LOC128462377: variants seen among roughly 807,000 people sequenced by gnomAD.
the LOC128462377 span, among the ~76,000 whole-genome samples, chr16:89,317,299 G>A: frequency 6.6e-6 from 1 of 152,366 alleles, no homozygotes; most frequent in Admixed American, 6.5e-5. Context: ...AAGGAGAACA[G>A]AGAAGGGTCA....
At chr16:89,408,261 C>T in the LOC128462377 span, among the ~76,000 whole-genome samples, 17 of 152,354 alleles carry the variant, frequency 1.1e-4, no homozygotes, top group Admixed American at 7.8e-4. Context: ...AGTTCTCCAC[C>T]CTAGAGAAGT....
At chr16:89,319,232 C>T in the LOC128462377 span, among the ~76,000 whole-genome samples, 2 of 152,206 alleles carry the variant, frequency 1.3e-5, no homozygotes, top group Non-Finnish European at 2.9e-5. Context: ...CCACGGCCTC[C>T]GGACGGTGTC....
the LOC128462377 span, among the ~76,000 whole-genome samples, chr16:89,390,251 C>T: frequency 7.8e-6 from 1 of 128,654 alleles, no homozygotes; most frequent in African/African-American, 3.0e-5. Context: ...ATCACTGGGG[C>T]GAACACCGAG....
the LOC128462377 span, among the ~76,000 whole-genome samples, chr16:89,383,583 C>T: frequency 6.6e-6 from 1 of 152,220 alleles, no homozygotes; most frequent in African/African-American, 2.4e-5. Flanking sequence ...CCAGGAATGG[C>T]CAAAGCCGAA....
the LOC128462377 span, among the ~76,000 whole-genome samples, chr16:89,363,860 A>G: frequency 2.0e-5 from 3 of 152,108 alleles, no homozygotes; most frequent in Admixed American, 6.6e-5. Flanking sequence ...GTTCGAGACC[A>G]GCCTGGCCAT....
At chr16:89,341,901 CCCACAGCGGCCACGGCCCACGGCGGGAG>C in the LOC128462377 span, among the ~76,000 whole-genome samples, 7 of 133,122 alleles carry the variant, frequency 5.3e-5, no homozygotes, top group African/African-American at 2.5e-4. Flanking sequence ...TGCACCTCCA[CCCACAGCGGCCACGGCCCACGGCGGGAG>C]TGCTGCACCT....
chr16:89,407,915 C>T, the LOC128462377 span, among the ~76,000 whole-genome samples: 2 of 148,776 alleles, frequency 1.3e-5, no homozygotes, highest in African/African-American at 4.9e-5. Flanking sequence ...CATAGTAAAA[C>T]TCAGTCTTCC....
At chr16:89,326,377 C>T in the LOC128462377 span, among the ~76,000 whole-genome samples, 19 of 151,922 alleles carry the variant, frequency 1.3e-4, no homozygotes, top group African/African-American at 3.9e-4. Flanking sequence ...ACGCAGCCAC[C>T]GCCCCCCCCA....
chr16:89,357,794 C>T, the LOC128462377 span, among the ~76,000 whole-genome samples: 4 of 152,206 alleles, frequency 2.6e-5, no homozygotes, highest in Non-Finnish European at 5.9e-5. Context: ...GGAACCACTG[C>T]TCATCGGCAA....
At chr16:89,324,235 G>C in the LOC128462377 span, 2 of 1,202,550 alleles carry the variant, frequency 1.7e-6, no homozygotes, top group Non-Finnish European at 2.1e-6. Context: ...TTGCCCCTCA[G>C]ACACATGCTT....
At chr16:89,367,966 T>C in the LOC128462377 span, among the ~76,000 whole-genome samples, 1 of 143,208 alleles carries the variant, frequency 7.0e-6, no homozygotes, top group African/African-American at 3.0e-5. Context: ...ACTGCACCAC[T>C]GCACTCCAGT....
At chr16:89,323,259 A>G in the LOC128462377 span, 1 of 1,272,892 alleles carries the variant, frequency 7.9e-7, no homozygotes, top group Non-Finnish European at 1.0e-6. Context: ...AAAGAGCTGC[A>G]TACCTGGCAG....
At chr16:89,334,996 T>C in the LOC128462377 span, among the ~76,000 whole-genome samples, 2 of 152,090 alleles carry the variant, frequency 1.3e-5, no homozygotes, top group African/African-American at 2.4e-5. Flanking sequence ...CACAGGTACA[T>C]GTGACATGAG....
chr16:89,327,812 T>C, the LOC128462377 span, among the ~76,000 whole-genome samples: 2 of 151,770 alleles, frequency 1.3e-5, no homozygotes, highest in Non-Finnish European at 2.9e-5. Context: ...CAGGAGAAAA[T>C]CTTTAGGACC....
At chr16:89,409,333 C>A in the LOC128462377 span, among the ~76,000 whole-genome samples, 1 of 152,226 alleles carries the variant, frequency 6.6e-6, no homozygotes, top group East Asian at 1.9e-4. Flanking sequence ...GCCACCAACA[C>A]AACTCTGTTC....
the LOC128462377 span, among the ~76,000 whole-genome samples, chr16:89,398,014 C>G: frequency 6.6e-6 from 1 of 152,240 alleles, no homozygotes; most frequent in Non-Finnish European, 1.5e-5. Context: ...TCACCAGTGA[C>G]AATGTAGCAC....
At chr16:89,418,224 C>T in the LOC128462377 span, 2 of 448,278 alleles carry the variant, frequency 4.5e-6, no homozygotes, top group East Asian at 1.4e-4. Flanking sequence ...TATTTTGATA[C>T]TTATTTTTAC....
the LOC128462377 span, among the ~76,000 whole-genome samples, chr16:89,336,786 A>G: frequency 1.3e-5 from 2 of 152,176 alleles, no homozygotes; most frequent in Non-Finnish European, 2.9e-5. Context: ...AAAGGGTTTC[A>G]ATACAAGTGT....
the LOC128462377 span, among the ~76,000 whole-genome samples, chr16:89,347,258 CCTGA>C: frequency 2.6e-5 from 4 of 152,164 alleles, no homozygotes; most frequent in Non-Finnish European, 4.4e-5. Flanking sequence ...GACACATAAG[CCTGA>C]CTGTCGCACA....
Sources: gnomAD v4.1 joint callset for allele counts (sites outside exome capture counted in the v4.1 genomes callset) on GRCh38, gnomAD v4.1.1 for gene constraint, MANE v1.5 for transcripts.